The following XIAP variants were observed in gnomAD, a reference collection of about 807,000 sequenced individuals.
XIAP encodes E3 ubiquitin-protein ligase XIAP.
A neutral mutation model predicts 33.1 loss-of-function variants in XIAP; 3 were observed. The ratio of observed to expected loss-of-function variants is 0.09; its 90% confidence interval spans 0.04 to 0.23. XIAP has a LOEUF of 0.23. XIAP is among the 10% of genes least tolerant of loss of function. The pLI is 1.00. For synonymous variants in XIAP, 98 were observed against 121.3 expected, an observed-to-expected ratio of 0.81 and a Z score of 1.26; for missense variants, 264 against 363.0, an observed-to-expected ratio of 0.73 and a Z score of 2.22.
At chrX:123,872,452 C>A (rs184064467) in intron 1 of XIAP, among the ~76,000 whole-genome samples, 13 of 109,986 alleles carry the variant, frequency 1.2e-4, no homozygotes, top group Non-Finnish European at 2.5e-4. Flanking sequence ...CTTTGTGAGG[C>A]TGAGGCGGGC....
chrX:123,871,301 T>G (rs888708054), intron 1 of XIAP, among the ~76,000 whole-genome samples: 1 of 111,033 alleles, frequency 9.0e-6, no homozygotes, highest in Non-Finnish European at 1.9e-5. Flanking sequence ...AATACTTCGT[T>G]CTGAGAAATG....
At chrX:123,873,345 A>G (rs1195665189) in intron 1 of XIAP, among the ~76,000 whole-genome samples, 1 of 93,094 alleles carries the variant, frequency 1.1e-5, no homozygotes, top group Non-Finnish European at 2.1e-5. Context: ...TTTTTATTTT[A>G]TTTTTTTTTG....
chrX:123,902,099 G>T (rs2053519077), intron 6 of XIAP, among the ~76,000 whole-genome samples: 1 of 111,936 alleles, frequency 8.9e-6, no homozygotes, highest in Non-Finnish European at 1.9e-5. Context: ...TTTTTTTCCT[G>T]CATCTTAAAC....
intron 5 of XIAP, among the ~76,000 whole-genome samples, chrX:123,894,996 A>AT (rs1422541969): frequency 9.2e-6 from 1 of 108,410 alleles, no homozygotes; most frequent in African/African-American, 3.3e-5. Flanking sequence ...AAATAAATAA[A>AT]ACATAAATTC....
At chrX:123,895,576 T>A (rs2053451869) in intron 5 of XIAP, among the ~76,000 whole-genome samples, 1 of 111,924 alleles carries the variant, frequency 8.9e-6, no homozygotes, top group African/African-American at 3.2e-5. Flanking sequence ...CAGAAGTGTA[T>A]GAGGATTTCA....
At chrX:123,890,480 A>T (rs1228321034) in intron 3 of XIAP, among the ~76,000 whole-genome samples, 11 of 104,085 alleles carry the variant, frequency 1.1e-4, no homozygotes, top group Admixed American at 6.3e-4. Context: ...AAAAAAAAAA[A>T]TTAGCCAGTC....
At position 123,903,641 on chromosome X, in the gene XIAP, TTG is replaced by T. The variant is rs1240671610; in HGVS notation, c.1300+2950_1300+2951del. On this transcript the variant is annotated intron_variant, in intron 6 of 6. Transcript: ENST00000371199. ...TCAGTTTTTTTTTTTGTTTTGTTTT[TTG>T]TTTTTTTTAGATTTTAAAAAATTGT... Among the ~76,000 whole-genome samples, 171 of 71,846 alleles carry T rather than the reference TTG, an allele frequency of 2.4e-3. 10 individuals carry two copies. Among genetic ancestry groups the T allele is most frequent in the Middle Eastern group, 0.017 (2 of 116 alleles). 62.4% of individuals were successfully genotyped at this position (71,846 alleles called of 115,157 possible). A position where few individuals can be genotyped will look rare whatever the true frequency, so the allele number is the denominator to read the frequency against.
intron 1 of XIAP, among the ~76,000 whole-genome samples, chrX:123,884,521 G>C (rs1445211814): frequency 1.8e-5 from 2 of 110,085 alleles, no homozygotes; most frequent in Non-Finnish European, 3.8e-5. Context: ...GCATAATATA[G>C]AGACAGAGTC....
At chrX:123,906,837 A>G (rs1453473181) in intron 6 of XIAP, 151 bp from the exon 7 acceptor site, 1 of 593,092 alleles carries the variant, frequency 1.7e-6, no homozygotes, top group African/African-American at 2.3e-5. Context: ...CGTGTGAGCT[A>G]TTTAAGAGCA....
At chrX:123,886,945 GTT>G (rs1363097360) in intron 2 of XIAP, among the ~76,000 whole-genome samples, 1 of 111,775 alleles carries the variant, frequency 8.9e-6, no homozygotes, top group Non-Finnish European at 1.9e-5. Context: ...TTGAGACAGA[GTT>G]TCGCTCTTGT....
Position 123,906,902 on chromosome X carries a change from C to T in XIAP, c.1301-86C>T, listed in dbSNP as rs979969713. The T allele has an allele frequency of 2.3e-5, 25 of 1,100,142 alleles. No individual in the cohort carries two copies. In the South Asian group the frequency reaches 2.9e-4, roughly 13 times the overall value. 90.7% of individuals were successfully genotyped at this position (1,100,142 alleles called of 1,213,427 possible). On this transcript the variant is annotated intron_variant, in intron 6 of 6. Transcript: ENST00000371199. ...CCCGGCACTTGTTGGGTGCTTGGCA[C>T]GTAGTAGGGGCTCAATAAATGTTTT...
intron 1 of XIAP, among the ~76,000 whole-genome samples, chrX:123,881,317 A>G (rs1042869890): frequency 9.9e-5 from 11 of 110,935 alleles, no homozygotes; most frequent in Non-Finnish European, 1.9e-5. Context: ...TGCTCCATAT[A>G]TACTTGTTTT....
At chrX:123,860,517 T>C (rs1266590304) in intron 1 of XIAP, 1 of 254,329 alleles carries the variant, frequency 3.9e-6, no homozygotes, top group Admixed American at 5.3e-5. Context: ...GCCTGCAGGA[T>C]TGCCTTCCTA....
At chrX:123,864,767 C>CGT (rs752421505) in intron 1 of XIAP, among the ~76,000 whole-genome samples, 1,589 of 52,555 alleles carry the variant, frequency 0.03, 65 homozygotes, top group Non-Finnish European at 0.037. Context: ...GTCGCATTCT[C>CGT]GTGTGTGTGT....
At chrX:123,867,571 C>G in intron 1 of XIAP, among the ~76,000 whole-genome samples, 1 of 108,706 alleles carries the variant, frequency 9.2e-6, no homozygotes, top group Non-Finnish European at 1.9e-5. Context: ...GCATGGTTTC[C>G]CCATGTTGGC....
At chrX:123,884,944 CA>C (rs5903649) in intron 1 of XIAP, among the ~76,000 whole-genome samples, 14 of 92,029 alleles carry the variant, frequency 1.5e-4, no homozygotes, top group Admixed American at 3.7e-4. Flanking sequence ...ATGTCATGGG[CA>C]AAAAAAAAAA....
intron 1 of XIAP, among the ~76,000 whole-genome samples, chrX:123,861,622 G>A (rs1291735953): frequency 1.8e-5 from 2 of 111,924 alleles, no homozygotes; most frequent in African/African-American, 3.3e-5. Context: ...TCTAATGTAC[G>A]GTTTGAATTT....
intron 1 of XIAP, among the ~76,000 whole-genome samples, chrX:123,884,579 T>C (rs7051810): frequency 0.38 from 41,713 of 110,088 alleles, 6,054 homozygotes; most frequent in African/African-American, 0.47. Context: ...ATATTGAGCA[T>C]GTTATCAGGC....
At chrX:123,903,032 TA>T (rs1195185861) in intron 6 of XIAP, among the ~76,000 whole-genome samples, 1 of 110,653 alleles carries the variant, frequency 9.0e-6, no homozygotes, top group Non-Finnish European at 1.9e-5. Flanking sequence ...AGTGGTAAAC[TA>T]CTGGTCTGAG....
Sources: allele counts gnomAD v4.1 joint callset (sites outside exome capture counted in the v4.1 genomes callset), GRCh38; gene constraint gnomAD v4.1.1; transcripts MANE v1.5; gene names NCBI Gene and HGNC (gene_info 2026-07-23, HGNC 2026-07-21).